The following TNKS variants were observed in gnomAD, a reference collection of about 807,000 sequenced individuals.
TNKS encodes poly [ADP-ribose] polymerase tankyrase-1.
Under a neutral mutation model 135.8 loss-of-function variants are expected in TNKS, and 72 were observed. The ratio of observed to expected loss-of-function variants is 0.53; its 90% CI spans 0.44 to 0.64. TNKS has a LOEUF of 0.64. Among genes scored for constraint, TNKS ranks in the 30% least tolerant of loss-of-function variants. The pLI is 0.00. For synonymous variants in TNKS, 849 were observed against 649.3 expected (o/e 1.31, Z -4.68); for missense variants, 1,769 against 1,674.0 (o/e 1.06, Z -0.99).
At chr8:9,563,927 A>G (rs1342955018) in intron 1 of TNKS, among the ~76,000 whole-genome samples, 1 of 152,208 alleles carries the variant, frequency 6.6e-6, no homozygotes. Context: ...GGATAAAAAT[A>G]AAGGTCTGAG....
intron 3 of TNKS, among the ~76,000 whole-genome samples, chr8:9,620,356 C>A (rs566282143): frequency 1.3e-5 from 2 of 152,174 alleles, no homozygotes; most frequent in Non-Finnish European, 2.9e-5. Flanking sequence ...ACTGCTTTAG[C>A]CCTGGGCCAC....
intron 3 of TNKS, among the ~76,000 whole-genome samples, chr8:9,628,712 A>G (rs1323673562): frequency 6.6e-6 from 1 of 152,004 alleles, no homozygotes; most frequent in Non-Finnish European, 1.5e-5. Context: ...CAGACCTCCT[A>G]CCTTCCAGTT....
intron 17 of TNKS, among the ~76,000 whole-genome samples, chr8:9,739,171 T>C (rs2128820932): frequency 8.2e-6 from 1 of 121,316 alleles, no homozygotes; most frequent in South Asian, 3.4e-4. Context: ...AAAGGGCTAA[T>C]ATCCAGAATC....
At chr8:9,775,361 C>T (rs550356567) in intron 26 of TNKS, among the ~76,000 whole-genome samples, 4 of 150,244 alleles carry the variant, frequency 2.7e-5, no homozygotes, top group South Asian at 4.2e-4. Context: ...TTTCAATCTT[C>T]GTTTCTTCCC....
rs1406185591 is a variant in TNKS, at chr8:9,566,184, T to G, written c.673+9572T>G. The G allele has an allele frequency of 3.9e-5, 6 of 152,230 alleles. No individual in the cohort carries two copies. In the South Asian group the frequency reaches 1.2e-3, roughly 31 times the overall value. The allele number at this position is 152,230 out of a possible 1,614,324, so 9.4% of individuals were successfully genotyped here. ...TATTTTCAAAAGAAATGACATAGAA[T>G]TACACTTAGTTAATACATCTTAGCT... On this transcript the variant is annotated intron_variant, in intron 1 of 26. Transcript: ENST00000310430.
At chr8:9,658,540 A>G (rs1225029461) in intron 3 of TNKS, 3 of 384,876 alleles carry the variant, frequency 7.8e-6, no homozygotes, top group Non-Finnish European at 1.4e-5. Flanking sequence ...ATGCTGAGAG[A>G]TTTTGTCACC....
At chr8:9,759,987 C>G (rs952177501) in intron 20 of TNKS, among the ~76,000 whole-genome samples, 24 of 129,488 alleles carry the variant, frequency 1.9e-4, no homozygotes, top group East Asian at 4.4e-4. Context: ...CAAAAGAAAA[C>G]AAAACAAAAA....
chr8:9,715,688 C>T (rs560618350), intron 11 of TNKS, among the ~76,000 whole-genome samples: 1 of 152,182 alleles, frequency 6.6e-6, no homozygotes, highest in South Asian at 2.1e-4. Context: ...GGGCAATATT[C>T]AGCAAAAGAT....
intron 1 of TNKS, among the ~76,000 whole-genome samples, chr8:9,565,010 T>TA (rs35779371): frequency 0.18 from 26,600 of 146,934 alleles, 2,465 homozygotes; most frequent in East Asian, 0.29. Flanking sequence ...CGGGGCTCAT[T>TA]AAAAAAAAAA....
At chr8:9,611,815 G>A (rs371483302) in intron 2 of TNKS, among the ~76,000 whole-genome samples, 1 of 152,140 alleles carries the variant, frequency 6.6e-6, no homozygotes, top group African/African-American at 2.4e-5. Flanking sequence ...TGTAGTTTGG[G>A]ACATTTAAGA....
intron 3 of TNKS, among the ~76,000 whole-genome samples, chr8:9,666,167 C>T (rs1801977544): frequency 6.6e-6 from 1 of 152,114 alleles, no homozygotes; most frequent in Non-Finnish European, 1.5e-5. Flanking sequence ...GTGCACTGTC[C>T]AGCACAAAGC....
At chr8:9,564,521 C>G (rs571848066) in intron 1 of TNKS, among the ~76,000 whole-genome samples, 1 of 152,186 alleles carries the variant, frequency 6.6e-6, no homozygotes, top group African/African-American at 2.4e-5. Flanking sequence ...GGAGAAAACA[C>G]TATAGTAGTT....
intron 17 of TNKS, among the ~76,000 whole-genome samples, chr8:9,742,203 AT>A (rs1041304075): frequency 1.3e-5 from 2 of 151,812 alleles, no homozygotes; most frequent in Non-Finnish European, 2.9e-5. Context: ...TCACTCAAAA[AT>A]TTTTTTCATG....
chr8:9,727,217 AGAT>A (rs1805205707), intron 13 of TNKS, among the ~76,000 whole-genome samples: 1 of 152,220 alleles, frequency 6.6e-6, no homozygotes, highest in African/African-American at 2.4e-5. Flanking sequence ...TGCAGAAGAT[AGAT>A]TTTTTCCCTG....
At chr8:9,769,847 C>A (rs1056089588) in intron 25 of TNKS, among the ~76,000 whole-genome samples, 1 of 151,950 alleles carries the variant, frequency 6.6e-6, no homozygotes, top group African/African-American at 2.4e-5. Context: ...GTCTTGATCT[C>A]CCTAGCAGGC....
chr8:9,683,222 A>G (rs1485950177), intron 5 of TNKS, among the ~76,000 whole-genome samples: 1 of 152,022 alleles, frequency 6.6e-6, no homozygotes, highest in African/African-American at 2.4e-5. Flanking sequence ...GATTGGGACA[A>G]GATCCCTTGG....
In TNKS at chr8:9,781,710, T is replaced by G. The variant is rs1808463710; in HGVS notation, c.*4974T>G. On this transcript the variant is annotated 3_prime_UTR_variant, in exon 27 of 27. Coordinates refer to ENST00000310430, the MANE Select transcript of TNKS (RefSeq NM_003747.3). Reference sequence around the variant, plus strand: ...AAACCAGCTTTGAGAAAATGTTATGTTGCCTGGCAACAGCACTCGGAGTAG... The same window carrying G: ...AAACCAGCTTTGAGAAAATGTTATGGTGCCTGGCAACAGCACTCGGAGTAG... 6.6e-6 allele frequency: 1 copy of G among 152,650 alleles called. No homozygotes were observed. Among genetic ancestry groups the G allele is most frequent in the African/African-American group, 2.4e-5 (1 of 41,462 alleles). The allele number at this position is 152,650 out of a possible 1,614,324, so 9.5% of individuals were successfully genotyped here.
intron 3 of TNKS, among the ~76,000 whole-genome samples, chr8:9,619,438 A>G (rs1263345772): frequency 1.3e-5 from 2 of 152,138 alleles, no homozygotes; most frequent in African/African-American, 2.4e-5. Context: ...TAGATAACCA[A>G]AGGAATGTTT....
chr8:9,689,188 CTCTG>C (rs1326047516), intron 5 of TNKS, among the ~76,000 whole-genome samples: 1 of 152,178 alleles, frequency 6.6e-6, no homozygotes, highest in Non-Finnish European at 1.5e-5. Flanking sequence ...AAGCTTGCTT[CTCTG>C]TCTCACACAT....
Sources: allele counts gnomAD v4.1 joint callset (sites outside exome capture counted in the v4.1 genomes callset), GRCh38; gene constraint gnomAD v4.1.1; transcripts MANE v1.5; gene names NCBI Gene and HGNC (gene_info 2026-07-23, HGNC 2026-07-21).